The following MYT1L variants were observed in gnomAD, a reference collection of about 807,000 sequenced individuals.
MYT1L encodes myelin transcription factor 1-like protein.
A neutral mutation model predicts 126.7 loss-of-function variants in MYT1L; 12 were observed. That is an observed-to-expected ratio of 0.09 (90% CI 0.06 to 0.15). The LOEUF is 0.15. Among genes scored for constraint, MYT1L ranks in the 10% least tolerant of loss-of-function variants. The pLI is 1.00. For missense variants in MYT1L, 979 were observed against 1,585.2 expected, an observed-to-expected ratio of 0.62 and a Z score of 6.49; for synonymous variants, 541 against 604.2, an observed-to-expected ratio of 0.90 and a Z score of 1.53.
chr2:2,209,651 A>G lies in MYT1L; in HGVS notation c.-420-36663T>C, dbSNP rs541840413. The stretch of plus-strand genomic sequence containing the variant: ...ATTTTTAAATTTTTAATTAAAAAAT[A>G]TATGTATGCATATGTATGCCACATT... On this transcript the variant is annotated intron_variant, in intron 2 of 24. Coordinates refer to ENST00000647738, the MANE Select transcript of MYT1L (RefSeq NM_001303052.2). Among the ~76,000 whole-genome samples the G allele has an allele frequency of 5.9e-5, 9 of 151,506 alleles. 1 individual carries two copies. The South Asian group carries it at 1.9e-3, about 32-fold the overall frequency.
Position 1,848,845 on chromosome 2 carries a change from A to G in MYT1L, c.2774+2796T>C, listed in dbSNP as rs777386341. On this transcript the variant is annotated intron_variant, in intron 19 of 24. Coordinates refer to ENST00000647738, the MANE Select transcript of MYT1L (RefSeq NM_001303052.2). This position sits in a 1 kb window ranked among gnomAD's most constrained non-coding sequence, Gnocchi z 4.8. Reference sequence around the variant, plus strand: ...GAGCAACGTGCCCAGCCCCGCTTAGATGTCTATACTAGGGAAGCTGTTACT... The same window carrying G: ...GAGCAACGTGCCCAGCCCCGCTTAGGTGTCTATACTAGGGAAGCTGTTACT... Among the ~76,000 whole-genome samples, 1 of 152,124 alleles carries G rather than the reference A, an allele frequency of 6.6e-6. No homozygotes were observed. Among genetic ancestry groups the G allele is most frequent in the African/African-American group, 2.4e-5 (1 of 41,436 alleles).
intron 14 of MYT1L, 139 bp from the exon 15 acceptor site, chr2:1,892,426 T>TAAAGAAAACAAACAACAGGCA: frequency 1.7e-6 from 2 of 1,158,344 alleles, no homozygotes; most frequent in Non-Finnish European, 2.3e-6. Flanking sequence ...GGCTTACGCG[T>TAAAGAAAACAAACAACAGGCA]AAAGAAAACA....
At chr2:2,075,772 G>A (rs1230502201) in intron 3 of MYT1L, among the ~76,000 whole-genome samples, 1 of 152,194 alleles carries the variant, frequency 6.6e-6, no homozygotes, top group South Asian at 2.1e-4. Flanking sequence ...TTCAGAATAT[G>A]ACAATTAATC....
chr2:2,316,200 C>T (rs1182462333), intron 1 of MYT1L, among the ~76,000 whole-genome samples: 4 of 152,236 alleles, frequency 2.6e-5, no homozygotes, highest in Non-Finnish European at 5.9e-5. Context: ...CCACTGTGGG[C>T]CTGATGTTCT....
At chr2:1,792,529 G>A (rs1416607469) in intron 23 of MYT1L, 65 bp from the exon 24 acceptor site, 15 of 1,523,992 alleles carry the variant, frequency 9.8e-6, no homozygotes, top group South Asian at 5.0e-5. Flanking sequence ...GGTCGTTGCC[G>A]GGGGCCACAG....
intron 18 of MYT1L, among the ~76,000 whole-genome samples, chr2:1,874,273 C>A: frequency 6.6e-6 from 1 of 151,964 alleles, no homozygotes; most frequent in East Asian, 1.9e-4. Flanking sequence ...CATTTCTCCA[C>A]AAGAAGCCTC....
At chr2:1,818,009 G>A (rs2037947284) in intron 21 of MYT1L, among the ~76,000 whole-genome samples, 1 of 152,160 alleles carries the variant, frequency 6.6e-6, no homozygotes, top group Non-Finnish European at 1.5e-5. Flanking sequence ...GGCACCAGGC[G>A]TCAGCACCAG....
chr2:2,037,007 T>C (rs951497051), intron 4 of MYT1L, among the ~76,000 whole-genome samples: 1 of 152,242 alleles, frequency 6.6e-6, no homozygotes, highest in Admixed American at 6.5e-5. Flanking sequence ...CCAATACACC[T>C]GGCTCAGCAG....
chr2:1,952,041 CAT>C (rs1242489103), intron 8 of MYT1L, among the ~76,000 whole-genome samples: 4 of 152,150 alleles, frequency 2.6e-5, no homozygotes, highest in African/African-American at 9.7e-5. Context: ...TATATTTTAA[CAT>C]TTTTTAAAGT....
intron 4 of MYT1L, among the ~76,000 whole-genome samples, chr2:2,033,907 T>G (rs557750729): frequency 1.3e-5 from 2 of 152,224 alleles, no homozygotes; most frequent in East Asian, 3.9e-4. Flanking sequence ...TGCATTTCAC[T>G]CTAGAGTCAA....
intron 1 of MYT1L, among the ~76,000 whole-genome samples, chr2:2,299,891 C>T (rs930151707): frequency 2.6e-5 from 4 of 152,142 alleles, no homozygotes; most frequent in African/African-American, 4.8e-5. Context: ...GATCATCTTC[C>T]GGCAGCCTAC....
intron 1 of MYT1L, among the ~76,000 whole-genome samples, chr2:2,316,560 A>C (rs1050642183): frequency 2.0e-5 from 3 of 152,204 alleles, no homozygotes; most frequent in Non-Finnish European, 4.4e-5. Flanking sequence ...AGTTAGGAAG[A>C]CTCATGTAGT....
At chr2:1,888,873 A>G (rs961742821) in intron 16 of MYT1L, among the ~76,000 whole-genome samples, 4 of 152,252 alleles carry the variant, frequency 2.6e-5, no homozygotes, top group African/African-American at 4.8e-5. Flanking sequence ...CCATTTAACT[A>G]TCTAAGACTC....
chr2:1,791,415 C>A lies in MYT1L; in HGVS notation c.*452G>T. On this transcript the variant is annotated 3_prime_UTR_variant, in exon 25 of 25. Coordinates refer to ENST00000647738, the MANE Select transcript of MYT1L (RefSeq NM_001303052.2). This position sits in a 1 kb window ranked among gnomAD's most constrained non-coding sequence, Gnocchi z 6.0. ...CCTCCAACATGAGGCAAAATGATAA[C>A]GTCTAAAAAGCGGCTGCTCAGCCAC... The A allele has an allele frequency of 5.2e-6, 2 of 381,264 alleles. No individual in the cohort carries two copies. Among genetic ancestry groups the A allele is most frequent in the Non-Finnish European group, 1.0e-5 (2 of 190,760 alleles). The allele number at this position is 381,264 out of a possible 1,614,324, so 23.6% of individuals were successfully genotyped here.
At chr2:2,119,847 T>C (rs1380754810) in intron 3 of MYT1L, among the ~76,000 whole-genome samples, 1 of 152,190 alleles carries the variant, frequency 6.6e-6, no homozygotes, top group Non-Finnish European at 1.5e-5. Flanking sequence ...ATACTAACTG[T>C]AAAGTGAAAG....
At chr2:2,181,006 C>T (rs551070919) in intron 2 of MYT1L, among the ~76,000 whole-genome samples, 2 of 148,300 alleles carry the variant, frequency 1.3e-5, no homozygotes, top group East Asian at 4.1e-4. Context: ...GTGTATGTAC[C>T]TGTGTGTGCA....
In MYT1L at chr2:1,910,122, C is replaced by T; in HGVS notation, c.1817+118G>A. 2.2e-6 allele frequency: 2 copies of T among 916,642 alleles called. No homozygotes were observed. Among genetic ancestry groups the T allele is most frequent in the South Asian group, 3.2e-5 (2 of 62,404 alleles). The allele number at this position is 916,642 out of a possible 1,614,324, so 56.8% of individuals were successfully genotyped here. On this transcript the variant is annotated intron_variant, in intron 13 of 24. Transcript: ENST00000647738. This position sits in a 1 kb window ranked among gnomAD's most constrained non-coding sequence, Gnocchi z 4.8. Reference sequence around the variant, plus strand: ...GGCCCCGGCTTCCAGCACAGCCCCGCCCTCCAGTCCCTGCCCCTGCTGCTG... The same window carrying T: ...GGCCCCGGCTTCCAGCACAGCCCCGTCCTCCAGTCCCTGCCCCTGCTGCTG...
intron 4 of MYT1L, among the ~76,000 whole-genome samples, chr2:2,007,013 T>A (rs1288929877): frequency 2.6e-5 from 4 of 152,140 alleles, no homozygotes; most frequent in Non-Finnish European, 5.9e-5. Context: ...AGGATTGCAT[T>A]CTTCTTAAGG....
intron 3 of MYT1L, among the ~76,000 whole-genome samples, chr2:2,146,704 C>A (rs1226503432): frequency 6.6e-6 from 1 of 152,194 alleles, no homozygotes. Context: ...TGAACAATTT[C>A]CTATTGTTTC....
Sources: allele counts gnomAD v4.1 joint callset (sites outside exome capture counted in the v4.1 genomes callset), GRCh38; gene constraint gnomAD v4.1.1; non-coding constraint Gnocchi (gnomAD v3.1); transcripts MANE v1.5; gene names NCBI Gene and HGNC (gene_info 2026-07-23, HGNC 2026-07-21).